GCNT2: variants seen among roughly 807,000 people sequenced by gnomAD.
GCNT2 encodes N-acetyllactosaminide beta-1,6-N-acetylglucosaminyl-transferase.
Under a neutral mutation model 34.2 loss-of-function variants are expected in GCNT2, and 34 were observed. The ratio of observed to expected loss-of-function variants is 1.00; its 90% CI spans 0.76 to 1.32. GCNT2 has a LOEUF of 1.32. GCNT2 is among the 40% of genes most tolerant of loss of function. GCNT2 has a pLI of 0.00. For missense variants in GCNT2, 584 were observed against 489.4 expected (o/e 1.19, Z -1.82); for synonymous variants, 212 against 188.0 (o/e 1.13, Z -1.04).
chr6:10,569,963 CCT>C (rs1763481880), intron 3 of GCNT2, among the ~76,000 whole-genome samples: 1 of 114,908 alleles, frequency 8.7e-6, no homozygotes, highest in South Asian at 3.0e-4. Flanking sequence ...TTCCTTCCTT[CCT>C]TTCTTTCTCT....
At chr6:10,571,551 C>T (rs978471045) in intron 3 of GCNT2, among the ~76,000 whole-genome samples, 3 of 152,090 alleles carry the variant, frequency 2.0e-5, no homozygotes, top group Non-Finnish European at 4.4e-5. Context: ...TGGGGTTTCA[C>T]CATGTTGGCC....
intron 3 of GCNT2, among the ~76,000 whole-genome samples, chr6:10,595,558 T>TGC (rs144415980): frequency 0.014 from 2,173 of 152,126 alleles, 56 homozygotes; most frequent in African/African-American, 0.05. Context: ...ATTACAGGCG[T>TGC]GCCACTCTGC....
chr6:10,537,353 A>G (rs1400414035), intron 3 of GCNT2, among the ~76,000 whole-genome samples: 1 of 152,122 alleles, frequency 6.6e-6, no homozygotes, highest in Non-Finnish European at 1.5e-5. Flanking sequence ...TTCGACTTAC[A>G]GCGGGGTTAC....
intron 3 of GCNT2, among the ~76,000 whole-genome samples, chr6:10,552,024 G>C (rs573355215): frequency 6.6e-6 from 1 of 152,300 alleles, no homozygotes; most frequent in Admixed American, 6.5e-5. Flanking sequence ...CTCCCAAAGT[G>C]CTGGGATTAC....
chr6:10,614,955 G>A (rs1765702318), intron 3 of GCNT2, among the ~76,000 whole-genome samples: 1 of 152,186 alleles, frequency 6.6e-6, no homozygotes. Context: ...CCTATAACAG[G>A]TGGGCTGATG....
chr6:10,610,240 G>A (rs1260995348), intron 3 of GCNT2, among the ~76,000 whole-genome samples: 1 of 152,216 alleles, frequency 6.6e-6, no homozygotes, highest in Non-Finnish European at 1.5e-5. Flanking sequence ...TTCAACAGTC[G>A]TAGCTGGAAG....
At chr6:10,617,372 A>T (rs1765824409) in intron 3 of GCNT2, among the ~76,000 whole-genome samples, 1 of 151,944 alleles carries the variant, frequency 6.6e-6, no homozygotes, top group Non-Finnish European at 1.5e-5. Context: ...CGCTGCGCGC[A>T]GCCCTGGTTC....
intron 3 of GCNT2, among the ~76,000 whole-genome samples, chr6:10,598,562 T>C (rs1229596168): frequency 6.6e-6 from 1 of 152,128 alleles, no homozygotes; most frequent in Non-Finnish European, 1.5e-5. Context: ...CCCTAGGCAG[T>C]GTGTGGGGGT....
At chr6:10,563,886 G>A (rs1171956799) in intron 3 of GCNT2, among the ~76,000 whole-genome samples, 1 of 148,944 alleles carries the variant, frequency 6.7e-6, no homozygotes, top group African/African-American at 2.5e-5. Flanking sequence ...GAAGGAGGTA[G>A]CACATGTTAT....
chr6:10,565,880 G>A (rs1763258861), intron 3 of GCNT2, among the ~76,000 whole-genome samples: 3 of 152,144 alleles, frequency 2.0e-5, no homozygotes, highest in Admixed American at 2.0e-4. Context: ...GTGACAGGAT[G>A]GCCTTTGTAA....
At chr6:10,566,182 C>T (rs1447645936) in intron 3 of GCNT2, among the ~76,000 whole-genome samples, 1 of 144,376 alleles carries the variant, frequency 6.9e-6, no homozygotes, top group Non-Finnish European at 1.5e-5. Flanking sequence ...TTGATGTGTG[C>T]TTTTTTTTTT....
At chr6:10,569,653 C>G (rs972945342) in intron 3 of GCNT2, among the ~76,000 whole-genome samples, 2 of 152,232 alleles carry the variant, frequency 1.3e-5, no homozygotes, top group African/African-American at 4.8e-5. Flanking sequence ...ACAGGCTGTT[C>G]TTCAACCCAA....
rs2127448109 is a variant in GCNT2 at position 10,626,515 on chromosome 6, T to C, written c.1117T>C (p.Tyr373His). Residue 373 changes from tyrosine (Y) to histidine (H), a missense_variant, in exon 5 of 5, where the codon TAC becomes CAC. By Grantham distance (83) the Tyr-to-His change is moderately conservative. Coordinates refer to ENST00000495262, the MANE Select transcript of GCNT2 (RefSeq NM_145649.5). ...TGCTAACAAGTTTGAGCTTAATACC[T>C]ACCCCCTTACTGTGGAATGCCTAGA... ...LFANKFELNT[Y>H]PLTVECLELR... 1 of 1,613,236 alleles carries C rather than the reference T, an allele frequency of 6.2e-7. No individual in the cohort carries two copies. The highest frequency in any genetic ancestry group is 8.5e-7 in the Non-Finnish European group (1 of 1,179,168).
chr6:10,523,807 T>C (rs979610861), intron 1 of GCNT2, among the ~76,000 whole-genome samples: 7 of 151,130 alleles, frequency 4.6e-5, no homozygotes, highest in Admixed American at 1.3e-4. Flanking sequence ...CCCGTCTCTA[T>C]TAAAAATACA....
chr6:10,537,818 C>T (rs1204999982), intron 3 of GCNT2, among the ~76,000 whole-genome samples: 1 of 150,450 alleles, frequency 6.6e-6, no homozygotes, highest in Non-Finnish European at 1.5e-5. Context: ...ATGCTCAGAA[C>T]ACTTACATTG....
At chr6:10,557,089 T>C (rs1339405289) in intron 3 of GCNT2, 8 of 1,589,396 alleles carry the variant, frequency 5.0e-6, no homozygotes, top group Middle Eastern at 3.4e-4. Flanking sequence ...CCCCAGCTCA[T>C]GCAATTGGAC....
intron 3 of GCNT2, among the ~76,000 whole-genome samples, chr6:10,588,846 G>A (rs1007146614): frequency 1.3e-5 from 2 of 148,432 alleles, no homozygotes; most frequent in South Asian, 2.2e-4. Flanking sequence ...TGTGGTGTGT[G>A]TGTGGTGTGT....
At chr6:10,542,439 G>T (rs1164922617) in intron 3 of GCNT2, among the ~76,000 whole-genome samples, 5 of 152,094 alleles carry the variant, frequency 3.3e-5, no homozygotes, top group Non-Finnish European at 2.9e-5. Flanking sequence ...ATGATTTTTA[G>T]TGCCTTTACA....
Position 10,556,226 on chromosome 6 carries a change from G to C in GCNT2, c.925+26390G>C, listed in dbSNP as rs1389601185. On this transcript the variant is annotated intron_variant, in intron 3 of 4. Coordinates refer to ENST00000495262, the MANE Select transcript of GCNT2 (RefSeq NM_145649.5). ...AACAAAGGAGGTTTGAGAGAGGCGGGATCTGGCTGTAATATCGGCACAGGG... is the reference window on the plus strand; with the variant it reads ...AACAAAGGAGGTTTGAGAGAGGCGGCATCTGGCTGTAATATCGGCACAGGG... The C allele has an allele frequency of 1.1e-5, 16 of 1,441,282 alleles. No individual in the cohort carries two copies. The South Asian group carries it at 1.9e-4, about 17-fold the overall frequency. 89.3% of individuals were successfully genotyped at this position (1,441,282 alleles called of 1,614,324 possible). A position where few individuals can be genotyped will look rare whatever the true frequency, so the allele number is the denominator to read the frequency against.
Sources: allele counts gnomAD v4.1 joint callset (sites outside exome capture counted in the v4.1 genomes callset), GRCh38; gene constraint gnomAD v4.1.1; transcripts MANE v1.5; gene names NCBI Gene and HGNC (gene_info 2026-07-23, HGNC 2026-07-21).